Variants in PCDH1 observed in about 807,000 individuals in gnomAD.
PCDH1 encodes the protein protocadherin-1.
PCDH1 carries 23 observed loss-of-function variants against 74.6 expected under a neutral mutation model. The observed-to-expected ratio is 0.31, with a 90% confidence interval of 0.22 to 0.44. The LOEUF (loss-of-function observed/expected upper bound fraction) is 0.44, where lower values mean the gene tolerates loss of function less well. Ranked by LOEUF, PCDH1 falls within the 20% of genes least tolerant of loss-of-function variation. The pLI is 1.00. For synonymous variants in PCDH1, 647 were observed against 686.1 expected (o/e 0.94, Z 0.89); for missense variants, 1,214 against 1,641.4 (o/e 0.74, Z 4.50).
chr5:141,857,341 G>A lies in PCDH1; in HGVS notation c.3230C>T (p.Pro1077Leu). The A allele has an allele frequency of 6.2e-7, 1 of 1,613,914 alleles. No homozygotes were observed. Among genetic ancestry groups the A allele is most frequent in the Non-Finnish European group, 8.5e-7 (1 of 1,179,920 alleles). The stretch of plus-strand genomic sequence containing the variant: ...AGGCAGGGCCAGGGGACCGAGTCGA[G>A]GCCCTGAGGATGACTTGCTGGACGG... ...ETPSSKSSSG[P>L]RLGPLALPED... The change falls in exon 4 of 5, where the codon CCT becomes CTT. Residue 1077 changes from proline (P) to leucine (L), a missense_variant. Pro to Leu is a moderately conservative substitution (Grantham distance 98). Coordinates refer to ENST00000287008, the MANE Select transcript of PCDH1 (RefSeq NM_032420.5).
At chr5:141,866,721 A>C (rs940259703) in intron 2 of PCDH1, among the ~76,000 whole-genome samples, 2 of 152,244 alleles carry the variant, frequency 1.3e-5, no homozygotes, top group Admixed American at 6.5e-5. Flanking sequence ...CCTATTTCAC[A>C]GAACTGTGGT....
rs1332469028 is a variant in PCDH1 at position 141,869,449 on chromosome 5, A to G, written c.41-18T>C. 4 of 1,594,660 alleles carry G rather than the reference A, an allele frequency of 2.5e-6. No homozygotes were observed. Among genetic ancestry groups the G allele is most frequent in the Non-Finnish European group, 3.4e-6 (4 of 1,178,206 alleles). On this transcript the variant is annotated intron_variant, in intron 1 of 4. Transcript: ENST00000287008. The surrounding 1 kb of genome is among the most constrained non-coding windows in gnomAD (Gnocchi z 4.9). ...CAGGAGGGCTGCAAGGGGAAGAGGC[A>G]AAACAGAGGCCATGAGCTGGGAAGA... is the stretch of plus-strand genomic sequence containing the variant.
intron 2 of PCDH1, among the ~76,000 whole-genome samples, chr5:141,866,767 G>A (rs1752857988): frequency 6.6e-6 from 1 of 152,184 alleles, no homozygotes; most frequent in Non-Finnish European, 1.5e-5. Context: ...AAAAATGCCT[G>A]ACATTGCCCG....
rs1752385251 is a variant in PCDH1, at chr5:141,857,227, C to A, written c.3319+25G>T. The A allele has an allele frequency of 5.9e-6, 9 of 1,524,156 alleles. No individual in the cohort carries two copies. The African/African-American group carries it at 1.1e-4, about 19-fold the overall frequency. The allele number at this position is 1,524,156 out of a possible 1,614,324, so 94.4% of individuals were successfully genotyped here. On this transcript the variant is annotated intron_variant, in intron 4 of 4. Coordinates refer to ENST00000287008, the MANE Select transcript of PCDH1 (RefSeq NM_032420.5). The stretch of plus-strand genomic sequence containing the variant: ...CAGGCTTCCACTCATTCCTGGGGTG[C>A]CCTGACCATGGTGCTGCGCCTCACC...
chr5:141,864,748 A>T lies in PCDH1; in HGVS notation c.1583T>A (p.Ile528Asn). 1 of 1,614,090 alleles carries T rather than the reference A, an allele frequency of 6.2e-7. No individual in the cohort carries two copies. Among genetic ancestry groups the T allele is most frequent in the African/African-American group, 1.3e-5 (1 of 75,024 alleles). The stretch of plus-strand genomic sequence containing the variant: ...GCCAGAGTCAGCATCACTGGCAGTG[A>T]TCTCAGCAATCACTTCACCAGGCTT... ...NNKPGEVIAEITASDADSGSN... is the reference protein window; with the variant it reads ...NNKPGEVIAENTASDADSGSN... The change falls in exon 3 of 5, where the codon ATC (isoleucine) becomes AAC (asparagine). Residue 528 changes from isoleucine (I) to asparagine (N), a missense_variant. Physicochemically the swap from Ile to Asn is moderately radical, Grantham distance 149. Around this residue, in one of 4 missense-constraint regions of PCDH1, gnomAD observed 836 missense variants for 1,182.2 expected, o/e 0.71. Transcript: ENST00000287008. The surrounding 1 kb of genome is among the most constrained non-coding windows in gnomAD (Gnocchi z 5.9).
rs866633155 is a variant in PCDH1, at chr5:141,878,253, C to T, written c.10G>A (p.Gly4Arg). The T allele has an allele frequency of 9.8e-5, 133 of 1,362,274 alleles. 1 individual carries two copies. In the Middle Eastern group the frequency reaches 1.9e-3, roughly 20 times the overall value. The allele number at this position is 1,362,274 out of a possible 1,614,324, so 84.4% of individuals were successfully genotyped here. MDS[G>R]AGGRRCPEAA... The stretch of plus-strand genomic sequence containing the variant: ...TCCGGGCAGCGCCGGCCGCCCGCCC[C>T]GCTGTCCATGAGCCGCCGCCGGCCC... Residue 4 changes from glycine to arginine, a missense_variant, in exon 1 of 5, where the codon GGG (glycine) becomes AGG (arginine). Coordinates refer to ENST00000287008, the MANE Select transcript of PCDH1 (RefSeq NM_032420.5). The surrounding 1 kb of genome is among the most constrained non-coding windows in gnomAD (Gnocchi z 5.5).
At chr5:141,866,138 G>T in intron 2 of PCDH1, 1 of 985,512 alleles carries the variant, frequency 1.0e-6, no homozygotes, top group Non-Finnish European at 1.2e-6. Context: ...TTGTGGGTCA[G>T]AGAAGCCCTC....
At chr5:141,872,249 T>C (rs1753113845) in intron 1 of PCDH1, among the ~76,000 whole-genome samples, 1 of 151,772 alleles carries the variant, frequency 6.6e-6, no homozygotes, top group South Asian at 2.1e-4. Context: ...GACTGTATCC[T>C]GCTGCCACCC....
At chr5:141,859,141 A>G (rs1752474749) in intron 3 of PCDH1, among the ~76,000 whole-genome samples, 1 of 152,050 alleles carries the variant, frequency 6.6e-6, no homozygotes, top group Non-Finnish European at 1.5e-5. Context: ...GCTATAAAGG[A>G]GTGTAGTCCA....
At position 141,865,303 on chromosome 5, in the gene PCDH1, C is replaced by A. The variant is rs761376607; in HGVS notation, c.1028G>T (p.Gly343Val). The part of the protein sequence containing the change: ...DRNTGLITVQ[G>V]PVDREDLSTL... ...GCTTAGGTCCTCACGGTCCACCGGG[C>A]CCTGAACAGTGATAAGTCCAGTGTT... The change falls in exon 3 of 5, where the codon GGC becomes GTC. Residue 343 changes from glycine (G) to valine (V), a missense_variant. Gly to Val is a moderately radical substitution (Grantham distance 109). This residue lies in a region of PCDH1 where 836 missense variants were observed against 1,182.2 expected (regional missense o/e 0.71). Transcript: ENST00000287008. This position sits in a 1 kb window ranked among gnomAD's most constrained non-coding sequence, Gnocchi z 4.4. 6.2e-7 allele frequency: 1 copy of A among 1,614,162 alleles called. No homozygotes were observed. The highest frequency in any genetic ancestry group is 8.5e-7 in the Non-Finnish European group (1 of 1,180,040).
rs762598376 is a variant in PCDH1, at chr5:141,863,060, C to T, written c.3099+172G>A. 4 of 1,359,872 alleles carry T rather than the reference C, an allele frequency of 2.9e-6. No individual in the cohort carries two copies. The highest frequency in any genetic ancestry group is 3.8e-6 in the Non-Finnish European group (4 of 1,053,132). 84.2% of individuals were successfully genotyped at this position (1,359,872 alleles called of 1,614,324 possible). ...CCCTTAATCTTCACTCAGCCTAATC[C>T]GTGTGCCCGGTGAGGCACTAAGGCC... is the stretch of plus-strand genomic sequence containing the variant. On this transcript the variant is annotated intron_variant, in intron 3 of 4. Transcript: ENST00000287008. The surrounding 1 kb of genome is among the most constrained non-coding windows in gnomAD (Gnocchi z 7.5).
At chr5:141,858,364 G>A (rs1752442099) in intron 3 of PCDH1, among the ~76,000 whole-genome samples, 1 of 152,228 alleles carries the variant, frequency 6.6e-6, no homozygotes, top group African/African-American at 2.4e-5. Context: ...GTAGGGCTCT[G>A]CCAGGAGCCT....
At chr5:141,856,319 T>C in intron 4 of PCDH1, 1 of 970,720 alleles carries the variant, frequency 1.0e-6, no homozygotes, top group Non-Finnish European at 1.5e-6. Flanking sequence ...AGGGGCGGGG[T>C]GGGGGTGGAG....
intron 4 of PCDH1, among the ~76,000 whole-genome samples, chr5:141,855,486 C>T (rs1752300566): frequency 6.6e-6 from 1 of 152,144 alleles, no homozygotes; most frequent in Non-Finnish European, 1.5e-5. Flanking sequence ...CTCTCTCTCT[C>T]TCCCTCTCAC....
At chr5:141,867,160 CTT>C (rs1300869074) in intron 2 of PCDH1, among the ~76,000 whole-genome samples, 1 of 152,246 alleles carries the variant, frequency 6.6e-6, no homozygotes, top group Non-Finnish European at 1.5e-5. Flanking sequence ...TCTTACCTCT[CTT>C]TGTCTCTGTG....
chr5:141,857,154 T>A, intron 4 of PCDH1, 98 bp downstream of exon 4: 2 of 997,150 alleles, frequency 2.0e-6, no homozygotes, highest in South Asian at 1.7e-5. Flanking sequence ...ACTGAGCACA[T>A]AATAACTCAA....
At chr5:141,866,079 T>G (rs1752816250) in intron 2 of PCDH1, 1 of 985,480 alleles carries the variant, frequency 1.0e-6, no homozygotes, top group Admixed American at 6.1e-5. Flanking sequence ...CACATGCCCA[T>G]CTGAAGGCCC....
intron 4 of PCDH1, among the ~76,000 whole-genome samples, chr5:141,854,797 G>GAGT (rs1752266481): frequency 6.6e-6 from 1 of 150,574 alleles, no homozygotes; most frequent in African/African-American, 2.4e-5. Flanking sequence ...TCAGCCTCCC[G>GAGT]AGTAGCTGGG....
At chr5:141,866,300 A>G (rs942993651) in intron 2 of PCDH1, 7 of 905,634 alleles carry the variant, frequency 7.7e-6, no homozygotes, top group Admixed American at 1.2e-4. Flanking sequence ...CAGGCCACAG[A>G]GCCTGCTGGC....
Sources: allele counts gnomAD v4.1 joint callset (sites outside exome capture counted in the v4.1 genomes callset), GRCh38; gene constraint gnomAD v4.1.1; regional missense constraint gnomAD v4.1.1; non-coding constraint Gnocchi (gnomAD v3.1); transcripts MANE v1.5; gene names NCBI Gene and HGNC (gene_info 2026-07-23, HGNC 2026-07-21).